Variants in HIVEP1 observed in about 807,000 individuals in gnomAD.
HIVEP1 encodes zinc finger protein 40.
HIVEP1 carries 36 observed loss-of-function variants against 180.0 expected under a neutral mutation model. The ratio of observed to expected loss-of-function variants is 0.20; its 90% CI spans 0.15 to 0.26. HIVEP1 has a LOEUF of 0.26. Among genes scored for constraint, HIVEP1 ranks in the 10% least tolerant of loss-of-function variants. The pLI is 1.00. For synonymous variants in HIVEP1, 1,239 were observed against 1,239.0 expected (o/e 1.00, Z 0.00); for missense variants, 3,143 against 3,268.7 (o/e 0.96, Z 0.94).
intron 7 of HIVEP1, among the ~76,000 whole-genome samples, chr6:12,141,597 A>T (rs921286177): frequency 6.7e-6 from 1 of 148,496 alleles, no homozygotes; most frequent in Non-Finnish European, 1.5e-5. Flanking sequence ...AAGACCCATC[A>T]GTGTGCTGTA....
At chr6:12,061,213 C>T (rs1018688416) in intron 2 of HIVEP1, among the ~76,000 whole-genome samples, 1 of 152,110 alleles carries the variant, frequency 6.6e-6, no homozygotes, top group Admixed American at 6.6e-5. Flanking sequence ...TGTGTGTGTT[C>T]CCACCCTTTG....
chr6:12,022,819 A>G (rs1485971892), intron 2 of HIVEP1, among the ~76,000 whole-genome samples: 1 of 152,228 alleles, frequency 6.6e-6, no homozygotes, highest in Non-Finnish European at 1.5e-5. Context: ...GACATGTCCC[A>G]TTCTTGTTCT....
chr6:12,119,761 T>C (rs1250093007), intron 3 of HIVEP1, 129 bp from the exon 4 acceptor site: 5 of 624,724 alleles, frequency 8.0e-6, no homozygotes, highest in Non-Finnish European at 1.1e-5. Flanking sequence ...ATTTAAAAAA[T>C]AGACTTTCCT....
At chr6:12,175,897 G>A in the HIVEP1 span, among the ~76,000 whole-genome samples, 1 of 152,158 alleles carries the variant, frequency 6.6e-6, no homozygotes, top group Admixed American at 6.5e-5. Flanking sequence ...TATTCTTGGT[G>A]CAACCTAACA....
intron 2 of HIVEP1, among the ~76,000 whole-genome samples, chr6:12,019,164 A>G (rs2113589847): frequency 6.6e-6 from 1 of 152,260 alleles, no homozygotes; most frequent in African/African-American, 2.4e-5. Flanking sequence ...ACTTCAGGGA[A>G]GCGGCGGCTT....
At chr6:12,066,482 TG>T (rs1004700468) in intron 2 of HIVEP1, among the ~76,000 whole-genome samples, 39 of 152,356 alleles carry the variant, frequency 2.6e-4, no homozygotes, top group African/African-American at 8.9e-4. Flanking sequence ...AAGCTATTTT[TG>T]GTTTGACTAG....
chr6:12,143,506 A>T (rs992991892), intron 7 of HIVEP1, among the ~76,000 whole-genome samples: 2 of 152,220 alleles, frequency 1.3e-5, no homozygotes, highest in Non-Finnish European at 2.9e-5. Context: ...CACCACTCCT[A>T]TTCAAAATAG....
At chr6:12,154,311 A>G (rs1480010270) in intron 7 of HIVEP1, among the ~76,000 whole-genome samples, 1 of 152,222 alleles carries the variant, frequency 6.6e-6, no homozygotes, top group Non-Finnish European at 1.5e-5. Flanking sequence ...TGTAAGAAAC[A>G]GATTTAAAAT....
At chr6:12,165,253 A>G (rs1054894052), downstream of HIVEP1, 5 of 383,690 alleles carry the variant, frequency 1.3e-5, no homozygotes, top group African/African-American at 8.8e-5. Context: ...TACTTTCTGT[A>G]TATACATAAA....
At position 12,043,351 on chromosome 6, in the gene HIVEP1, G is replaced by GA. The variant is rs748030886; in HGVS notation, c.40+27687dup. Among the ~76,000 whole-genome samples, 135 of 142,780 alleles carry GA rather than the reference G, an allele frequency of 9.5e-4. 1 individual carries two copies. The highest frequency in any genetic ancestry group is 3.6e-3 in the Middle Eastern group (1 of 280). 93.7% of individuals were successfully genotyped at this position (142,780 alleles called of 152,430 possible). ...TTTCTCCTATTCCCACTTTCTAAGT[G>GA]AAAATTTTTTTTTTTTTTTTTTTTT... On this transcript the variant is annotated intron_variant, in intron 2 of 8. Transcript: ENST00000379388.
upstream of HIVEP1, among the ~76,000 whole-genome samples, chr6:12,009,064 G>A (rs1767144038): frequency 6.6e-6 from 1 of 150,954 alleles, no homozygotes; most frequent in African/African-American, 2.4e-5. Flanking sequence ...GGGGAGGGAC[G>A]AGCGGCGTGA....
chr6:12,209,354 A>C, the HIVEP1 span, among the ~76,000 whole-genome samples: 9 of 152,126 alleles, frequency 5.9e-5, no homozygotes, highest in Non-Finnish European at 1.2e-4. Context: ...AATGGCGTGA[A>C]CCCGGGAGGC....
rs186869093 is a variant in HIVEP1, at chr6:12,128,079, C to T, written c.6076-1680C>T. ...AAGCATGTAAAGACTAAGATTTTGG[C>T]ATTTAGCTCATTGATAACTTTGGCA... On this transcript the variant is annotated intron_variant, in intron 4 of 8. Transcript: ENST00000379388. Among the ~76,000 whole-genome samples, 15 of 152,290 alleles carry T rather than the reference C, an allele frequency of 9.8e-5. No homozygotes were observed. In the East Asian group the frequency reaches 2.3e-3, roughly 23 times the overall value.
intron 3 of HIVEP1, among the ~76,000 whole-genome samples, chr6:12,111,488 G>T (rs1043770263): frequency 6.6e-6 from 1 of 152,234 alleles, no homozygotes; most frequent in Non-Finnish European, 1.5e-5. Context: ...GGAGGCTCCA[G>T]GGGAAATTCT....
At chr6:12,057,017 T>A (rs1293154609) in intron 2 of HIVEP1, among the ~76,000 whole-genome samples, 3 of 152,090 alleles carry the variant, frequency 2.0e-5, no homozygotes, top group Non-Finnish European at 4.4e-5. Flanking sequence ...TTTAAATCTT[T>A]TTTGGTAGAG....
the HIVEP1 span, among the ~76,000 whole-genome samples, chr6:12,208,564 T>A: frequency 6.6e-6 from 1 of 152,166 alleles, no homozygotes; most frequent in Non-Finnish European, 1.5e-5. Context: ...TATGTTGAAG[T>A]CCCAAACCCT....
At chr6:12,158,491 C>G (rs1272161641) in intron 7 of HIVEP1, among the ~76,000 whole-genome samples, 1 of 152,186 alleles carries the variant, frequency 6.6e-6, no homozygotes, top group Non-Finnish European at 1.5e-5. Flanking sequence ...TCTCCTGTTT[C>G]TCTCCAAGCA....
At chr6:12,189,379 A>G in the HIVEP1 span, among the ~76,000 whole-genome samples, 6 of 152,140 alleles carry the variant, frequency 3.9e-5, no homozygotes, top group East Asian at 1.2e-3. Flanking sequence ...GATAAAAAAT[A>G]CAACATGCAA....
chr6:12,191,060 GA>G, the HIVEP1 span, among the ~76,000 whole-genome samples: 5 of 149,038 alleles, frequency 3.4e-5, no homozygotes, highest in African/African-American at 1.2e-4. Context: ...AACCAAATAA[GA>G]AAAAAAAACA....
Sources: allele counts gnomAD v4.1 joint callset (sites outside exome capture counted in the v4.1 genomes callset), GRCh38; gene constraint gnomAD v4.1.1; transcripts MANE v1.5; gene names NCBI Gene and HGNC (gene_info 2026-07-23, HGNC 2026-07-21).